Variants in TBC1D22A observed in about 807,000 individuals in gnomAD.
The protein encoded by TBC1D22A is TBC1 domain family member 22A.
A neutral mutation model predicts 60.2 loss-of-function variants in TBC1D22A; 38 were observed. The observed-to-expected ratio is 0.63, with a 90% confidence interval of 0.49 to 0.83. The LOEUF (loss-of-function observed/expected upper bound fraction) is 0.83. TBC1D22A is among the 40% of genes least tolerant of loss of function. TBC1D22A has a pLI of 0.00. For missense variants in TBC1D22A, 628 were observed against 701.0 expected, an observed-to-expected ratio of 0.90 and a Z score of 1.18; for synonymous variants, 302 against 281.7, an observed-to-expected ratio of 1.07 and a Z score of -0.72.
rs71315176 is a variant in TBC1D22A, at chr22:46,941,452, T to TAC, written c.1015+29265_1015+29266dup. Among the ~76,000 whole-genome samples, 215 of 140,086 alleles carry TAC rather than the reference T, an allele frequency of 1.5e-3. 16 individuals are homozygous for TAC. Among genetic ancestry groups the TAC allele is most frequent in the African/African-American group, 5.4e-3 (199 of 37,002 alleles). 91.9% of individuals were successfully genotyped at this position (140,086 alleles called of 152,430 possible). On this transcript the variant is annotated intron_variant, in intron 8 of 12. Transcript: ENST00000337137. ...GGAATATATATACACGGAATATATA[T>TAC]ACGGAATATATATACACGGAATATA...
chr22:46,798,176 C>T (rs2084741007), intron 4 of TBC1D22A, among the ~76,000 whole-genome samples: 1 of 152,246 alleles, frequency 6.6e-6, no homozygotes, highest in Non-Finnish European at 1.5e-5. Context: ...ACGCCTGGCC[C>T]ATTCTGTTTT....
chr22:47,156,952 G>A (rs954138144), intron 12 of TBC1D22A, among the ~76,000 whole-genome samples: 3 of 152,190 alleles, frequency 2.0e-5, no homozygotes, highest in Admixed American at 1.3e-4. Flanking sequence ...CCAAGGCACC[G>A]GGCTGCTTGT....
chr22:47,004,662 A>C (rs891515887), intron 10 of TBC1D22A, among the ~76,000 whole-genome samples: 25 of 146,270 alleles, frequency 1.7e-4, no homozygotes, highest in Non-Finnish European at 1.5e-5. Flanking sequence ...AGATGCCTAT[A>C]TACACACACA....
chr22:46,983,141 T>A (rs1304261625), intron 9 of TBC1D22A, among the ~76,000 whole-genome samples: 1 of 152,192 alleles, frequency 6.6e-6, no homozygotes, highest in Admixed American at 6.5e-5. Context: ...AGTCCTGTAT[T>A]TTGTGGTGCA....
chr22:47,062,105 A>AAAAAAAAAAAAAAC (rs2063600988), intron 11 of TBC1D22A, among the ~76,000 whole-genome samples: 1 of 151,438 alleles, frequency 6.6e-6, no homozygotes, highest in Admixed American at 6.6e-5. Context: ...AAAAAAAAAA[A>AAAAAAAAAAAAAAC]AAAGACAATG....
intron 12 of TBC1D22A, among the ~76,000 whole-genome samples, chr22:47,163,716 G>A (rs554505028): frequency 2.6e-5 from 4 of 152,300 alleles, no homozygotes; most frequent in South Asian, 2.1e-4. Flanking sequence ...GGCACAGCAC[G>A]GTGCTGCCAG....
Position 47,036,004 on chromosome 22 carries a change from T to C in TBC1D22A, c.1202-1067T>C, listed in dbSNP as rs570981714. Among the ~76,000 whole-genome samples, 11 of 152,314 alleles carry C rather than the reference T, an allele frequency of 7.2e-5. No homozygotes were observed. The East Asian group carries it at 2.1e-3, about 29-fold the overall frequency. Reference sequence around the variant, plus strand: ...TTCTCTGGTATTTGTTTATTTGCCATTTCTAGAACTTTCTTTGAGGGAATG... The same window carrying C: ...TTCTCTGGTATTTGTTTATTTGCCACTTCTAGAACTTTCTTTGAGGGAATG... On this transcript the variant is annotated intron_variant, in intron 10 of 12. Transcript: ENST00000337137.
In TBC1D22A at chr22:47,100,884, T is replaced by C. The variant is rs73888870; in HGVS notation, c.1330-10624T>C. On this transcript the variant is annotated intron_variant, in intron 11 of 12. Coordinates refer to ENST00000337137, the MANE Select transcript of TBC1D22A (RefSeq NM_014346.5). ...AAGCAGAGTCCTGTCTACCAACAGC[T>C]CGCCTCAGAGGGATCGCTTGGTCTC... is the stretch of plus-strand genomic sequence containing the variant. Among the ~76,000 whole-genome samples the C allele has an allele frequency of 3.4e-3, 515 of 152,294 alleles. 9 individuals are homozygous for C. The highest frequency in any genetic ancestry group is 0.012 in the African/African-American group (490 of 41,558).
At chr22:46,948,657 C>G (rs763428249) in intron 8 of TBC1D22A, among the ~76,000 whole-genome samples, 1 of 152,230 alleles carries the variant, frequency 6.6e-6, no homozygotes, top group African/African-American at 2.4e-5. Flanking sequence ...AAGCTGTCTT[C>G]CCTCTTTGGT....
At chr22:47,057,899 A>G (rs1294699286) in intron 11 of TBC1D22A, among the ~76,000 whole-genome samples, 1 of 152,210 alleles carries the variant, frequency 6.6e-6, no homozygotes, top group African/African-American at 2.4e-5. Flanking sequence ...GTGAAATGCA[A>G]CTACACTTGT....
At chr22:47,019,677 G>T (rs1167373557) in intron 10 of TBC1D22A, among the ~76,000 whole-genome samples, 1 of 151,950 alleles carries the variant, frequency 6.6e-6, no homozygotes, top group African/African-American at 2.4e-5. Flanking sequence ...AGCAGTCGGG[G>T]GTGTGCAGGG....
chr22:47,040,462 A>G (rs1288781936), intron 11 of TBC1D22A, among the ~76,000 whole-genome samples: 1 of 151,876 alleles, frequency 6.6e-6, no homozygotes, highest in Non-Finnish European at 1.5e-5. Flanking sequence ...GAGCAGGTGC[A>G]TGGGGGTGAA....
chr22:46,861,035 A>G (rs2147349518), intron 4 of TBC1D22A, among the ~76,000 whole-genome samples: 1 of 152,182 alleles, frequency 6.6e-6, no homozygotes, highest in African/African-American at 2.4e-5. Context: ...ATCTTGGCTC[A>G]CTGTCTCTGC....
At chr22:46,884,885 G>A (rs2068033658) in intron 5 of TBC1D22A, among the ~76,000 whole-genome samples, 3 of 152,208 alleles carry the variant, frequency 2.0e-5, no homozygotes, top group African/African-American at 7.2e-5. Context: ...AGGGGCCATG[G>A]TGAGTGACGA....
chr22:46,861,460 T>C (rs2087881105), intron 4 of TBC1D22A, among the ~76,000 whole-genome samples: 1 of 152,240 alleles, frequency 6.6e-6, no homozygotes, highest in Non-Finnish European at 1.5e-5. Flanking sequence ...TGTGAGCAGC[T>C]CAGGTGGCCG....
intron 1 of TBC1D22A, among the ~76,000 whole-genome samples, chr22:46,789,625 T>C (rs2084320850): frequency 6.6e-6 from 1 of 152,160 alleles, no homozygotes; most frequent in East Asian, 1.9e-4. Flanking sequence ...ATAATTAATA[T>C]GTTGTGCTGC....
chr22:47,131,213 G>A (rs2066667124), intron 12 of TBC1D22A, among the ~76,000 whole-genome samples: 1 of 152,208 alleles, frequency 6.6e-6, no homozygotes, highest in African/African-American at 2.4e-5. Flanking sequence ...ATTCCACCAT[G>A]AGATTGAGAG....
intron 1 of TBC1D22A, among the ~76,000 whole-genome samples, chr22:46,780,439 T>TA (rs111885928): frequency 0.061 from 8,867 of 145,340 alleles, 821 homozygotes; most frequent in African/African-American, 0.21. Flanking sequence ...AACCTTCAAT[T>TA]AAAAAAAAAA....
At chr22:46,947,306 G>T (rs151042405) in intron 8 of TBC1D22A, among the ~76,000 whole-genome samples, 1 of 152,136 alleles carries the variant, frequency 6.6e-6, no homozygotes, top group Non-Finnish European at 1.5e-5. Context: ...GTGTGAAGTC[G>T]AATGGCTAAG....
Sources: allele counts gnomAD v4.1 joint callset (sites outside exome capture counted in the v4.1 genomes callset), GRCh38; gene constraint gnomAD v4.1.1; transcripts MANE v1.5; gene names NCBI Gene and HGNC (gene_info 2026-07-23, HGNC 2026-07-21).